The following ST3GAL2 variants were observed in gnomAD, a reference collection of about 807,000 sequenced individuals.
ST3GAL2 encodes CMP-N-acetylneuraminate-beta-galactosamide-alpha-2,3-sialyltransferase 2.
Under a neutral mutation model 37.5 loss-of-function variants are expected in ST3GAL2, and 16 were observed. The ratio of observed to expected loss-of-function variants is 0.43; its 90% CI spans 0.29 to 0.65. ST3GAL2 has a LOEUF of 0.65. Ranked by LOEUF, ST3GAL2 falls within the 30% of genes least tolerant of loss-of-function variation. The pLI, the probability that ST3GAL2 is intolerant of heterozygous loss-of-function variation, is 0.17. For missense variants in ST3GAL2, 383 were observed against 487.8 expected, an observed-to-expected ratio of 0.79 and a Z score of 2.02; for synonymous variants, 238 against 202.9, an observed-to-expected ratio of 1.17 and a Z score of -1.47.
chr16:70,411,262 G>A (rs1054846760), intron 1 of ST3GAL2, among the ~76,000 whole-genome samples: 1 of 151,938 alleles, frequency 6.6e-6, no homozygotes, highest in Non-Finnish European at 1.5e-5. Flanking sequence ...TCAAGTGCTT[G>A]TATTTCCAGC....
intron 1 of ST3GAL2, among the ~76,000 whole-genome samples, chr16:70,416,219 A>T (rs2047675880): frequency 6.6e-6 from 1 of 152,208 alleles, no homozygotes; most frequent in Admixed American, 6.5e-5. Flanking sequence ...TTTCAAAAGC[A>T]TGAGATGGGG....
At chr16:70,415,126 G>A (rs1240926002) in intron 1 of ST3GAL2, among the ~76,000 whole-genome samples, 5 of 152,098 alleles carry the variant, frequency 3.3e-5, no homozygotes, top group South Asian at 4.2e-4. Context: ...CACCTGCCTC[G>A]GCCTCCCAAA....
intron 4 of ST3GAL2, among the ~76,000 whole-genome samples, chr16:70,385,698 C>CTTTTTTTT (rs1034830291): frequency 5.4e-5 from 5 of 92,212 alleles, no homozygotes; most frequent in African/African-American, 9.9e-5. Context: ...TTTTTTGGTT[C>CTTTTTTTT]TTTTTTTTTT....
chr16:70,429,931 C>T (rs114242846), intron 1 of ST3GAL2, among the ~76,000 whole-genome samples: 154 of 152,276 alleles, frequency 1.0e-3, no homozygotes, highest in African/African-American at 2.0e-3. Flanking sequence ...TGACTTGCCC[C>T]GGGTCACACA....
At chr16:70,395,240 C>A in intron 2 of ST3GAL2, 65 bp from the exon 3 acceptor site, 1 of 1,458,384 alleles carries the variant, frequency 6.9e-7, no homozygotes, top group South Asian at 1.3e-5. Flanking sequence ...GGAGGGGCCC[C>A]GGCCTCCCCT....
At chr16:70,383,289 A>T (rs1469666446) in intron 4 of ST3GAL2, 54 bp from the exon 5 acceptor site, 2 of 1,540,720 alleles carry the variant, frequency 1.3e-6, no homozygotes, top group Non-Finnish European at 1.7e-6. Flanking sequence ...GGTGGCTCAC[A>T]CCTGTAATCC....
At chr16:70,418,851 C>G (rs894092512) in intron 1 of ST3GAL2, among the ~76,000 whole-genome samples, 30 of 152,184 alleles carry the variant, frequency 2.0e-4, no homozygotes, top group African/African-American at 6.5e-4. Context: ...TCTCCTCCCC[C>G]ACCCACGCAC....
intron 1 of ST3GAL2, among the ~76,000 whole-genome samples, chr16:70,421,524 G>C (rs1053675440): frequency 1.3e-5 from 2 of 152,242 alleles, no homozygotes; most frequent in African/African-American, 4.8e-5. Flanking sequence ...GATGTGGAAA[G>C]GAAGGACGCA....
chr16:70,400,264 T>A (rs528486001), intron 1 of ST3GAL2: 1 of 152,342 alleles, frequency 6.6e-6, no homozygotes, highest in Non-Finnish European at 1.5e-5. Flanking sequence ...AGGCCACTTG[T>A]AGGCAGTTTG....
chr16:70,394,999 C>T lies in ST3GAL2; in HGVS notation c.516G>A (p.Gly172=), dbSNP rs768772233. 7.4e-6 allele frequency: 12 copies of T among 1,613,208 alleles called. No individual in the cohort carries two copies. In the South Asian group the frequency reaches 9.9e-5, roughly 13 times the overall value. ...RGSGYGQDVD[G]HNFIMRMNQA... is the part of the protein sequence containing the mutation. ...GGGCTCACCTCATGATGAAGTTGTG[C>T]CCGTCCACGTCCTGCCCATAGCCAG... is the stretch of plus-strand genomic sequence containing the variant. Residue 172 remains glycine, a synonymous_variant, in exon 3 of 7, where the codon GGG becomes GGA. Coordinates refer to ENST00000342907, the MANE Select transcript of ST3GAL2 (RefSeq NM_006927.4).
chr16:70,431,678 A>AATT (rs1481564379), intron 1 of ST3GAL2, among the ~76,000 whole-genome samples: 1 of 148,592 alleles, frequency 6.7e-6, no homozygotes, highest in Non-Finnish European at 1.5e-5. Context: ...AAAAAAAAAA[A>AATT]ATTGGCCAGG....
chr16:70,381,129 C>G lies in ST3GAL2; in HGVS notation c.*560G>C, dbSNP rs1003165669. ...GGAAGCCCTGGGGGCGCAGCCATCC[C>G]ACAGCGCGGCCGAGGTGGGACTGGG... On this transcript the variant is annotated 3_prime_UTR_variant, in exon 7 of 7. Coordinates refer to ENST00000342907, the MANE Select transcript of ST3GAL2 (RefSeq NM_006927.4). The G allele has an allele frequency of 2.0e-5, 3 of 152,510 alleles. No homozygotes were observed. The highest frequency in any genetic ancestry group is 2.9e-5 in the Non-Finnish European group (2 of 68,190). 9.4% of individuals were successfully genotyped at this position (152,510 alleles called of 1,614,324 possible). A position where few individuals can be genotyped will look rare whatever the true frequency, so the allele number is the denominator to read the frequency against.
intron 3 of ST3GAL2, among the ~76,000 whole-genome samples, chr16:70,391,823 G>A (rs1364775897): frequency 1.3e-5 from 2 of 152,190 alleles, no homozygotes; most frequent in Non-Finnish European, 2.9e-5. Context: ...TGCCCAAGCT[G>A]GTTTCGAGCT....
At chr16:70,410,268 T>G (rs1320913979) in intron 1 of ST3GAL2, among the ~76,000 whole-genome samples, 10 of 131,302 alleles carry the variant, frequency 7.6e-5, no homozygotes, top group Non-Finnish European at 3.2e-5. Context: ...TTTTTTTTTT[T>G]GAGACGGAGT....
Position 70,398,899 on chromosome 16 carries a change from C to G in ST3GAL2, c.-369G>C. On this transcript the variant is annotated 5_prime_UTR_variant, in exon 2 of 7. Coordinates refer to ENST00000342907, the MANE Select transcript of ST3GAL2 (RefSeq NM_006927.4). ...GGCTGCCAGCTCTAGGGGTCCCCCT[C>G]TTTGGCGGCTTGAAATAATCCAGTC... is the stretch of plus-strand genomic sequence containing the variant. 1 of 466,146 alleles carries G rather than the reference C, an allele frequency of 2.1e-6. No homozygotes were observed. Among genetic ancestry groups the G allele is most frequent in the East Asian group, 3.1e-5 (1 of 31,808 alleles). The allele number at this position is 466,146 out of a possible 1,614,324, so 28.9% of individuals were successfully genotyped here.
chr16:70,434,680 A>G lies in ST3GAL2; in HGVS notation c.-1004+4269T>C, dbSNP rs147767791. On this transcript the variant is annotated intron_variant, in intron 1 of 6. Coordinates refer to ENST00000342907, the MANE Select transcript of ST3GAL2 (RefSeq NM_006927.4). ...CCTTGCAGTGCTGCTGTGAGGATTC[A>G]CTAACACCTGAGAGCATCTAGCACC... Among the ~76,000 whole-genome samples, 331 of 152,306 alleles carry G rather than the reference A, an allele frequency of 2.2e-3. 2 individuals are homozygous for G. Among genetic ancestry groups the G allele is most frequent in the African/African-American group, 6.9e-3 (286 of 41,576 alleles).
rs996863929 is a variant in ST3GAL2, at chr16:70,382,918, T to G, written c.766A>C (p.Ile256Leu). Residue 256 changes from isoleucine (I) to leucine (L), a missense_variant, in exon 6 of 7, where the codon ATC becomes CTC. By Grantham distance (5) the Ile-to-Leu change is conservative. This residue lies in a region of ST3GAL2 where 160 missense variants were observed against 248.6 expected (regional missense o/e 0.64). Transcript: ENST00000342907. ...FLRVDKEKVQ[I>L]YNPAFFKYIH... ...TACTTGAAGAAGGCTGGGTTGTAGATCTGGACCTGGGAGGAGAAGGGATGA... is the reference window on the plus strand; with the variant it reads ...TACTTGAAGAAGGCTGGGTTGTAGAGCTGGACCTGGGAGGAGAAGGGATGA... The G allele has an allele frequency of 1.9e-6, 3 of 1,613,374 alleles. No individual in the cohort carries two copies. The highest frequency in any genetic ancestry group is 2.7e-5 in the African/African-American group (2 of 74,928).
At chr16:70,434,443 A>G (rs2047811961) in intron 1 of ST3GAL2, among the ~76,000 whole-genome samples, 1 of 149,078 alleles carries the variant, frequency 6.7e-6, no homozygotes, top group African/African-American at 2.4e-5. Context: ...CTCAAAAACA[A>G]AAAAAAAAAA....
At position 70,398,668 on chromosome 16, in the gene ST3GAL2, A is replaced by G; in HGVS notation, c.-138T>C. On this transcript the variant is annotated 5_prime_UTR_variant, in exon 2 of 7. Coordinates refer to ENST00000342907, the MANE Select transcript of ST3GAL2 (RefSeq NM_006927.4). ...ACGTGCTGCAGCAGGGGACAGTGGC[A>G]GGGGTCCCTTGCCACGCCCTCCCTC... The G allele has an allele frequency of 2.5e-6, 2 of 814,286 alleles. No individual in the cohort carries two copies. Among genetic ancestry groups the G allele is most frequent in the Non-Finnish European group, 3.8e-6 (2 of 528,364 alleles). The allele number at this position is 814,286 out of a possible 1,614,324, so 50.4% of individuals were successfully genotyped here. A position where few individuals can be genotyped will look rare whatever the true frequency, so the allele number is the denominator to read the frequency against.
Sources: allele counts gnomAD v4.1 joint callset (sites outside exome capture counted in the v4.1 genomes callset), GRCh38; gene constraint gnomAD v4.1.1; regional missense constraint gnomAD v4.1.1; transcripts MANE v1.5; gene names NCBI Gene and HGNC (gene_info 2026-07-23, HGNC 2026-07-21).